Variants in FGGY observed in about 807,000 individuals in gnomAD.
FGGY encodes the protein FGGY carbohydrate kinase domain-containing protein.
A neutral mutation model predicts 71.3 loss-of-function variants in FGGY; 72 were observed. The observed-to-expected ratio is 1.01, with a 90% CI of 0.84 to 1.23. FGGY has a LOEUF of 1.23. Among genes scored for constraint, FGGY ranks in the 50% most tolerant of loss-of-function variants. The pLI, the probability that FGGY is intolerant of heterozygous loss-of-function variation, is 0.00. For missense variants in FGGY, 668 were observed against 682.3 expected, an observed-to-expected ratio of 0.98 and a Z score of 0.23; for synonymous variants, 251 against 250.3, an observed-to-expected ratio of 1.00 and a Z score of -0.02.
chr1:59,506,713 C>T (rs987309218), intron 6 of FGGY, among the ~76,000 whole-genome samples: 11 of 152,086 alleles, frequency 7.2e-5, no homozygotes, highest in African/African-American at 2.2e-4. Context: ...GCATGAGAAT[C>T]GCTTGAACCT....
chr1:59,596,909 A>G (rs2096530793), intron 8 of FGGY, among the ~76,000 whole-genome samples: 1 of 152,124 alleles, frequency 6.6e-6, no homozygotes, highest in South Asian at 2.1e-4. Flanking sequence ...CAGCCATCAT[A>G]CTTTCTTAAT....
At chr1:59,473,377 A>C (rs1439363544) in intron 6 of FGGY, among the ~76,000 whole-genome samples, 1 of 152,176 alleles carries the variant, frequency 6.6e-6, no homozygotes, top group Non-Finnish European at 1.5e-5. Context: ...ACATCTGAAC[A>C]TCAGAAGGAA....
At chr1:59,755,446 A>AGC (rs2101802642) in intron 14 of FGGY, 1 of 152,296 alleles carries the variant, frequency 6.6e-6, no homozygotes, top group East Asian at 1.9e-4. Flanking sequence ...CATAAACGCT[A>AGC]TGATAGACGG....
chr1:59,506,904 C>T (rs114004350), intron 6 of FGGY, among the ~76,000 whole-genome samples: 1 of 152,092 alleles, frequency 6.6e-6, no homozygotes. Flanking sequence ...CAGAGAAAAC[C>T]TATTTTCTGT....
intron 4 of FGGY, among the ~76,000 whole-genome samples, chr1:59,375,836 C>G (rs1014762288): frequency 6.9e-6 from 1 of 145,906 alleles, no homozygotes; most frequent in African/African-American, 2.5e-5. Flanking sequence ...TAAAAGCTGT[C>G]GTTATATAAT....
At chr1:59,716,770 G>A (rs1018392858) in intron 14 of FGGY, among the ~76,000 whole-genome samples, 1 of 152,298 alleles carries the variant, frequency 6.6e-6, no homozygotes, top group South Asian at 2.1e-4. Context: ...TGTGAACTGT[G>A]CCTTGAATGA....
chr1:59,362,533 C>T (rs2055766946), intron 4 of FGGY, among the ~76,000 whole-genome samples: 1 of 152,190 alleles, frequency 6.6e-6, no homozygotes, highest in African/African-American at 2.4e-5. Flanking sequence ...TCTCATAGTT[C>T]CTTCTCCATG....
intron 4 of FGGY, among the ~76,000 whole-genome samples, chr1:59,363,385 C>T (rs1336034505): frequency 1.3e-5 from 2 of 152,180 alleles, no homozygotes; most frequent in South Asian, 2.1e-4. Flanking sequence ...GTAAAAAGTG[C>T]TTACTATGTG....
chr1:59,471,407 A>G lies in FGGY; in HGVS notation c.670+14331A>G, dbSNP rs929774309. Among the ~76,000 whole-genome samples, 3 of 152,130 alleles carry G rather than the reference A, an allele frequency of 2.0e-5. No individual in the cohort carries two copies. In the East Asian group the frequency reaches 5.8e-4, roughly 29 times the overall value. On this transcript the variant is annotated intron_variant, in intron 6 of 15. Transcript: ENST00000303721. ...CTTTATAGCAATGTGAAGATGGAGTAATATAGAGGCCATCCCTGTGGGTAC... is the reference window on the plus strand; with the variant it reads ...CTTTATAGCAATGTGAAGATGGAGTGATATAGAGGCCATCCCTGTGGGTAC...
At chr1:59,622,065 G>A (rs913528352) in intron 9 of FGGY, among the ~76,000 whole-genome samples, 4 of 151,502 alleles carry the variant, frequency 2.6e-5, no homozygotes, top group South Asian at 4.2e-4. Context: ...TCATTCTCAC[G>A]AGGACACTTT....
intron 14 of FGGY, among the ~76,000 whole-genome samples, chr1:59,675,481 G>T (rs2097427128): frequency 6.6e-6 from 1 of 152,188 alleles, no homozygotes; most frequent in Admixed American, 6.5e-5. Context: ...CACTATCCAA[G>T]CCTCTGAAAC....
chr1:59,299,772 T>C (rs1314697788), intron 1 of FGGY, among the ~76,000 whole-genome samples: 1 of 152,174 alleles, frequency 6.6e-6, no homozygotes, highest in Non-Finnish European at 1.5e-5. Flanking sequence ...AGGGTTAGAC[T>C]GCACAGGCTA....
Position 59,576,950 on chromosome 1 carries a change from C to T in FGGY, c.903+22723C>T, listed in dbSNP as rs1481965127. Among the ~76,000 whole-genome samples the T allele has an allele frequency of 2.0e-5, 3 of 152,150 alleles. No individual in the cohort carries two copies. In the East Asian group the frequency reaches 5.8e-4, roughly 29 times the overall value. Reference sequence around the variant, plus strand: ...TTGCCATTGGATACTCAGTATCTAGCACAATGCCTGTAAGTTAGGCATTCA... The same window carrying T: ...TTGCCATTGGATACTCAGTATCTAGTACAATGCCTGTAAGTTAGGCATTCA... On this transcript the variant is annotated intron_variant, in intron 8 of 15. Coordinates refer to ENST00000303721, the MANE Select transcript of FGGY (RefSeq NM_018291.5).
intron 7 of FGGY, among the ~76,000 whole-genome samples, chr1:59,516,176 G>A (rs2094644514): frequency 6.6e-6 from 1 of 152,152 alleles, no homozygotes; most frequent in East Asian, 1.9e-4. Flanking sequence ...TAGGAGGCCT[G>A]GGTGCAAATG....
chr1:59,355,134 A>G (rs1460660904), intron 4 of FGGY, among the ~76,000 whole-genome samples: 1 of 152,204 alleles, frequency 6.6e-6, no homozygotes, highest in Non-Finnish European at 1.5e-5. Context: ...GTGACACAGT[A>G]TGTTTTATGA....
chr1:59,484,490 G>A lies in FGGY; in HGVS notation c.670+27414G>A, dbSNP rs184193235. On this transcript the variant is annotated intron_variant, in intron 6 of 15. Transcript: ENST00000303721. ...GTAAGCTTGCCAGGGTGTAAAAAGT[G>A]CATTTGTTTAGGACTGTAATGTTTA... 2.3e-3 allele frequency among the ~76,000 whole-genome samples: 351 copies of A among 152,220 alleles called. 5 individuals are homozygous for A. The highest frequency in any genetic ancestry group is 5.1e-4 in the Non-Finnish European group (35 of 67,992).
intron 6 of FGGY, among the ~76,000 whole-genome samples, chr1:59,501,505 G>A (rs903006253): frequency 5.9e-5 from 9 of 152,098 alleles, no homozygotes; most frequent in Non-Finnish European, 1.2e-4. Context: ...GTATTTTCAT[G>A]TATTTCCCAA....
intron 8 of FGGY, among the ~76,000 whole-genome samples, chr1:59,602,981 T>C (rs1251858002): frequency 1.3e-5 from 2 of 152,212 alleles, no homozygotes; most frequent in Non-Finnish European, 2.9e-5. Flanking sequence ...TTGAGCTCAG[T>C]GTCTGACATA....
intron 8 of FGGY, among the ~76,000 whole-genome samples, chr1:59,601,783 A>G (rs2096580727): frequency 6.6e-6 from 1 of 152,246 alleles, no homozygotes; most frequent in African/African-American, 2.4e-5. Context: ...CAGTAGTTTG[A>G]AATCAGTGTG....
Sources: allele counts gnomAD v4.1 joint callset (sites outside exome capture counted in the v4.1 genomes callset), GRCh38; gene constraint gnomAD v4.1.1; transcripts MANE v1.5; gene names NCBI Gene and HGNC (gene_info 2026-07-23, HGNC 2026-07-21).